BEND7: variants seen among roughly 807,000 people sequenced by gnomAD.
The protein encoded by BEND7 is BEN domain-containing protein 7.
Under a neutral mutation model 50.9 loss-of-function variants are expected in BEND7, and 28 were observed. The observed-to-expected ratio is 0.55, with a 90% confidence interval of 0.41 to 0.75. BEND7 has a LOEUF of 0.75. Ranked by LOEUF, BEND7 falls within the 30% of genes least tolerant of loss-of-function variation. The probability of loss-of-function intolerance (pLI) is 0.00; values close to 1 mark genes in which losing one functional copy is unlikely to be tolerated. For missense variants in BEND7, 477 were observed against 491.3 expected (o/e 0.97, Z 0.28); for synonymous variants, 170 against 183.9 (o/e 0.92, Z 0.61).
intron 2 of BEND7, among the ~76,000 whole-genome samples, chr10:13,521,135 T>C (rs2079051235): frequency 1.3e-5 from 2 of 152,126 alleles, no homozygotes; most frequent in Admixed American, 1.3e-4. Context: ...CACGTAAGGC[T>C]CTCTGGGTCT....
chr10:13,528,483 C>T lies in BEND7; in HGVS notation c.51G>A (p.Leu17=). The change falls in exon 1 of 9, where the codon CTG becomes CTA. Residue 17 remains leucine (L), a synonymous_variant. Coordinates refer to ENST00000466271, the MANE Select transcript of BEND7 (RefSeq NM_001369863.1). The part of the protein sequence containing the change: ...KRSRKSQSFK[L]VSRDYHHEVY... ...CCGGCGGCCGCTTACCTCGGCTCAC[C>T]AGTTTGAAGCTCTGGGATTTCCTGC... The T allele has an allele frequency of 9.6e-7, 1 of 1,036,646 alleles. No individual in the cohort carries two copies. The highest frequency in any genetic ancestry group is 3.2e-5 in the South Asian group (1 of 30,770). The allele number at this position is 1,036,646 out of a possible 1,614,324, so 64.2% of individuals were successfully genotyped here.
chr10:13,498,344 T>C (rs191170157), intron 3 of BEND7, among the ~76,000 whole-genome samples: 37 of 152,344 alleles, frequency 2.4e-4, no homozygotes, highest in Admixed American at 2.2e-3. Context: ...CCCAAAGCGT[T>C]AGGACTACAG....
intron 2 of BEND7, among the ~76,000 whole-genome samples, chr10:13,514,973 T>C (rs150946500): frequency 6.6e-6 from 1 of 152,218 alleles, no homozygotes; most frequent in Admixed American, 6.5e-5. Context: ...TCTATTCTAT[T>C]GCATCAACTT....
chr10:13,456,087 G>A (rs1296352943), intron 6 of BEND7, among the ~76,000 whole-genome samples: 1 of 152,128 alleles, frequency 6.6e-6, no homozygotes, highest in African/African-American at 2.4e-5. Flanking sequence ...AGATGCTGAA[G>A]GTGTGACCGG....
chr10:13,502,437 C>T (rs2077539492), intron 2 of BEND7, among the ~76,000 whole-genome samples: 1 of 152,080 alleles, frequency 6.6e-6, no homozygotes, highest in African/African-American at 2.4e-5. Context: ...CTTCAAACCC[C>T]TGTGAAAATT....
At chr10:13,510,227 A>G (rs1021134008) in intron 2 of BEND7, among the ~76,000 whole-genome samples, 1 of 152,348 alleles carries the variant, frequency 6.6e-6, no homozygotes, top group Middle Eastern at 3.4e-3. Flanking sequence ...TATTTTAAGT[A>G]TCTTATCTCC....
chr10:13,504,816 C>G (rs1464588881), intron 2 of BEND7, among the ~76,000 whole-genome samples: 1 of 152,184 alleles, frequency 6.6e-6, no homozygotes, highest in Non-Finnish European at 1.5e-5. Context: ...AGTAACTATA[C>G]TCCTTGGACA....
At position 13,528,460 on chromosome 10, in the gene BEND7, G is replaced by A. The variant is rs2079564470; in HGVS notation, c.61+13C>T. On this transcript the variant is annotated intron_variant, in intron 1 of 8. Transcript: ENST00000466271. ...GCCCGCTGCCTGCCCCCGCCGCCCCGGCGGCCGCTTACCTCGGCTCACCAG... is the reference window on the plus strand; with the variant it reads ...GCCCGCTGCCTGCCCCCGCCGCCCCAGCGGCCGCTTACCTCGGCTCACCAG... The A allele has an allele frequency of 3.9e-6, 4 of 1,014,990 alleles. No individual in the cohort carries two copies. The highest frequency in any genetic ancestry group is 4.7e-6 in the Non-Finnish European group (4 of 851,540). The allele number at this position is 1,014,990 out of a possible 1,614,324, so 62.9% of individuals were successfully genotyped here. A position where few individuals can be genotyped will look rare whatever the true frequency, so the allele number is the denominator to read the frequency against.
intron 6 of BEND7, among the ~76,000 whole-genome samples, chr10:13,475,079 G>A (rs2131603931): frequency 6.6e-6 from 1 of 152,302 alleles, no homozygotes; most frequent in East Asian, 1.9e-4. Context: ...GGAAGGGGCT[G>A]GAAGTAGAGA....
chr10:13,465,733 T>C (rs1260487170), intron 6 of BEND7, among the ~76,000 whole-genome samples: 1 of 152,064 alleles, frequency 6.6e-6, no homozygotes, highest in Admixed American at 6.6e-5. Flanking sequence ...AAAGTGATGG[T>C]TCAAGAGCTT....
At chr10:13,441,885 G>A (rs1835380496) in intron 8 of BEND7, 135 bp from the exon 9 acceptor site, 1 of 841,676 alleles carries the variant, frequency 1.2e-6, no homozygotes, top group African/African-American at 1.7e-5. Flanking sequence ...AGAAAAAGAA[G>A]CCACACATAT....
At position 13,441,509 on chromosome 10, in the gene BEND7, C is replaced by T; in HGVS notation, c.*234G>A. On this transcript the variant is annotated 3_prime_UTR_variant, in exon 9 of 9. Coordinates refer to ENST00000466271, the MANE Select transcript of BEND7 (RefSeq NM_001369863.1). ...AGTGCTGAACACCCCAAGCTGTGGC[C>T]CCGCCTTGGAAGGCAGTGCTTCTGA... 2 of 1,372,902 alleles carry T rather than the reference C, an allele frequency of 1.5e-6. No individual in the cohort carries two copies. Among genetic ancestry groups the T allele is most frequent in the East Asian group, 2.7e-5 (1 of 37,040 alleles). The allele number at this position is 1,372,902 out of a possible 1,614,324, so 85.0% of individuals were successfully genotyped here.
At chr10:13,511,856 A>C (rs1008488924) in intron 2 of BEND7, among the ~76,000 whole-genome samples, 4 of 152,180 alleles carry the variant, frequency 2.6e-5, no homozygotes, top group African/African-American at 9.7e-5. Flanking sequence ...CATTGGATGC[A>C]TCAGGCTTCT....
chr10:13,474,621 G>A (rs532332054), intron 6 of BEND7, among the ~76,000 whole-genome samples: 1,672 of 150,198 alleles, frequency 0.011, 36 homozygotes, highest in African/African-American at 0.039. Context: ...GTCGATACCC[G>A]TCATCGCTGT....
At position 13,521,782 on chromosome 10, in the gene BEND7, G is replaced by A. The variant is rs563559325; in HGVS notation, c.145+4356C>T. ...AACCAAGAACCAGGGTGGGACCCAGGCCACCTGACTCCAGGTGAAGACCTC... is the reference window on the plus strand; with the variant it reads ...AACCAAGAACCAGGGTGGGACCCAGACCACCTGACTCCAGGTGAAGACCTC... On this transcript the variant is annotated intron_variant, in intron 2 of 8. Coordinates refer to ENST00000466271, the MANE Select transcript of BEND7 (RefSeq NM_001369863.1). Among the ~76,000 whole-genome samples the A allele has an allele frequency of 5.1e-4, 78 of 152,318 alleles. 1 individual carries two copies. The highest frequency in any genetic ancestry group is 1.4e-3 in the African/African-American group (59 of 41,574).
At chr10:13,481,207 C>A in intron 5 of BEND7, 83 bp from the exon 6 acceptor site, 1 of 1,267,386 alleles carries the variant, frequency 7.9e-7, no homozygotes, top group South Asian at 1.4e-5. Context: ...AAAAACATCA[C>A]TAGCTACTGA....
chr10:13,468,188 T>G (rs2074445587), intron 6 of BEND7, among the ~76,000 whole-genome samples: 1 of 152,174 alleles, frequency 6.6e-6, no homozygotes, highest in Admixed American at 6.5e-5. Context: ...TAAGATGCCC[T>G]GCTAAGCAGT....
intron 2 of BEND7, among the ~76,000 whole-genome samples, chr10:13,509,718 G>T (rs889496002): frequency 2.6e-5 from 4 of 152,306 alleles, no homozygotes; most frequent in Middle Eastern, 6.8e-3. Context: ...GGCACTGAAC[G>T]AAGCTTGAGG....
intron 8 of BEND7, chr10:13,443,037 A>C (rs1835572424): frequency 6.6e-6 from 1 of 152,212 alleles, no homozygotes. Context: ...ATTCATACTG[A>C]GGTTTTGAAT....
Sources: allele counts gnomAD v4.1 joint callset (sites outside exome capture counted in the v4.1 genomes callset), GRCh38; gene constraint gnomAD v4.1.1; transcripts MANE v1.5; gene names NCBI Gene and HGNC (gene_info 2026-07-23, HGNC 2026-07-21).